Variants in NEXN observed in about 807,000 individuals in gnomAD.
The protein encoded by NEXN is nexilin F-actin binding protein.
A neutral mutation model predicts 92.6 loss-of-function variants in NEXN; 65 were observed. That is an observed-to-expected ratio of 0.70 (90% CI 0.57 to 0.86). The LOEUF (loss-of-function observed/expected upper bound fraction) is 0.86, where lower values mean the gene tolerates loss of function less well. Ranked by LOEUF, NEXN falls within the 40% of genes least tolerant of loss-of-function variation. The probability of loss-of-function intolerance (pLI) is 0.00; values close to 1 mark genes in which losing one functional copy is unlikely to be tolerated. For missense variants in NEXN, 778 were observed against 771.1 expected (o/e 1.01, Z -0.11); for synonymous variants, 254 against 242.5 (o/e 1.05, Z -0.44).
rs552679608 is a variant in NEXN, at chr1:77,921,170, C to G, written c.447+2897C>G. On this transcript the variant is annotated intron_variant, in intron 5 of 12. Coordinates refer to ENST00000334785, the MANE Select transcript of NEXN (RefSeq NM_144573.4). ...AGGCTGGGTAACAACATAGTGAGAC[C>G]TCAGCTCTTAAAAACAGACAGACAA... is the stretch of plus-strand genomic sequence containing the variant. Among the ~76,000 whole-genome samples, 8 of 152,114 alleles carry G rather than the reference C, an allele frequency of 5.3e-5. No homozygotes were observed. The South Asian group carries it at 1.7e-3, about 32-fold the overall frequency.
chr1:77,929,773 C>T (rs1292467839), intron 9 of NEXN, among the ~76,000 whole-genome samples: 2 of 152,160 alleles, frequency 1.3e-5, no homozygotes, highest in African/African-American at 2.4e-5. Flanking sequence ...GGCATGTTTT[C>T]CAGAACTAAG....
chr1:77,938,026 T>C (rs900379951), intron 11 of NEXN, among the ~76,000 whole-genome samples: 11 of 151,878 alleles, frequency 7.2e-5, no homozygotes, highest in Non-Finnish European at 1.6e-4. Flanking sequence ...GACTTGGGGA[T>C]GGTGATGGAG....
chr1:77,916,239 A>C, intron 2 of NEXN, 106 bp downstream of exon 2: 1 of 711,776 alleles, frequency 1.4e-6, no homozygotes. Context: ...TTAGGAGTTC[A>C]TAATTAATAA....
intron 6 of NEXN, 56 bp from the exon 7 acceptor site, chr1:77,926,358 A>G (rs1280259958): frequency 1.5e-6 from 2 of 1,313,504 alleles, no homozygotes; most frequent in African/African-American, 3.0e-5. Flanking sequence ...GTAAAGTCCC[A>G]TGAAACCCAA....
intron 1 of NEXN, among the ~76,000 whole-genome samples, chr1:77,915,792 A>G (rs913137241): frequency 2.0e-5 from 3 of 152,350 alleles, no homozygotes; most frequent in Middle Eastern, 6.8e-3. Context: ...TAATTGCTGA[A>G]TACACATTCT....
At chr1:77,916,016 A>G (rs1248892960) in intron 1 of NEXN, 39 bp from the exon 2 acceptor site, 6 of 712,900 alleles carry the variant, frequency 8.4e-6, no homozygotes, top group Non-Finnish European at 1.2e-5. Context: ...TATATTACAA[A>G]TAAATTAAAA....
At chr1:77,926,196 T>A (rs908336015) in intron 6 of NEXN, among the ~76,000 whole-genome samples, 2 of 152,154 alleles carry the variant, frequency 1.3e-5, no homozygotes, top group Admixed American at 6.6e-5. Context: ...GGAAATAGAA[T>A]GCTTCTTGAA....
chr1:77,926,122 G>A (rs1426266931), intron 6 of NEXN, among the ~76,000 whole-genome samples: 3 of 152,106 alleles, frequency 2.0e-5, no homozygotes. Flanking sequence ...TGCACAAATA[G>A]CTTAATTCAG....
intron 5 of NEXN, among the ~76,000 whole-genome samples, chr1:77,921,867 T>C (rs976995400): frequency 2.0e-5 from 3 of 152,052 alleles, no homozygotes; most frequent in Non-Finnish European, 2.9e-5. Context: ...TGAGCCAAGA[T>C]TGCACCACTG....
At chr1:77,923,003 CTTTTTTT>C (rs753111389) in intron 5 of NEXN, among the ~76,000 whole-genome samples, 1 of 112,384 alleles carries the variant, frequency 8.9e-6, no homozygotes, top group Non-Finnish European at 1.9e-5. Context: ...AATTGGGTGT[CTTTTTTT>C]TTTTTTTTTT....
chr1:77,917,491 ATTC>A, intron 2 of NEXN, 72 bp from the exon 3 acceptor site: 1 of 1,054,974 alleles, frequency 9.5e-7, no homozygotes, highest in Non-Finnish European at 1.4e-6. Flanking sequence ...TATATTGCTT[ATTC>A]TTATCTATCT....
At chr1:77,907,710 A>G (rs907074146) in intron 1 of NEXN, among the ~76,000 whole-genome samples, 1 of 152,204 alleles carries the variant, frequency 6.6e-6, no homozygotes, top group Admixed American at 6.6e-5. Flanking sequence ...TTAAGTCAAG[A>G]TATAATTTGA....
chr1:77,921,911 T>C (rs1423880708), intron 5 of NEXN, among the ~76,000 whole-genome samples: 1 of 152,050 alleles, frequency 6.6e-6, no homozygotes, highest in African/African-American at 2.4e-5. Context: ...AAGACCCTGC[T>C]GTCTCTACAA....
At chr1:77,909,792 T>G (rs1044376020) in intron 1 of NEXN, among the ~76,000 whole-genome samples, 3 of 152,024 alleles carry the variant, frequency 2.0e-5, no homozygotes, top group African/African-American at 7.3e-5. Context: ...AGGGAAAAAA[T>G]AATACTAAAT....
chr1:77,915,721 C>T (rs757345001), intron 1 of NEXN, among the ~76,000 whole-genome samples: 4 of 152,276 alleles, frequency 2.6e-5, no homozygotes, highest in Non-Finnish European at 5.9e-5. Context: ...AGTAAAAATA[C>T]AGATCTAAAA....
At chr1:77,925,141 A>C in intron 5 of NEXN, 47 bp from the exon 6 acceptor site, 4 of 1,305,342 alleles carry the variant, frequency 3.1e-6, no homozygotes, top group Non-Finnish European at 4.4e-6. Context: ...AAAAGCAAAA[A>C]GTAGAAATCT....
At chr1:77,904,898 G>C (rs1398425137) in intron 1 of NEXN, among the ~76,000 whole-genome samples, 1 of 152,200 alleles carries the variant, frequency 6.6e-6, no homozygotes, top group East Asian at 1.9e-4. Context: ...CATGAGAATA[G>C]AGACCATGTC....
intron 1 of NEXN, among the ~76,000 whole-genome samples, chr1:77,897,310 C>T (rs1026039248): frequency 1.3e-5 from 2 of 152,190 alleles, no homozygotes; most frequent in Non-Finnish European, 2.9e-5. Context: ...GCTTATCCAC[C>T]ATGATCAAGT....
intron 1 of NEXN, among the ~76,000 whole-genome samples, chr1:77,892,193 TG>T (rs148546227): frequency 1.2e-4 from 18 of 152,302 alleles, no homozygotes; most frequent in African/African-American, 4.3e-4. Context: ...GGGCAAAATC[TG>T]GGTTCACTTT....
Sources: gnomAD v4.1 joint callset for allele counts (sites outside exome capture counted in the v4.1 genomes callset) on GRCh38, gnomAD v4.1.1 for gene constraint, MANE v1.5 for transcripts, NCBI Gene and HGNC (gene_info 2026-07-23, HGNC 2026-07-21) for gene names.